Variants in HCRTR2 observed in about 807,000 individuals in gnomAD.
The protein encoded by HCRTR2 is orexin receptor type 2.
Under a neutral mutation model 49.0 loss-of-function variants are expected in HCRTR2, and 22 were observed. The ratio of observed to expected loss-of-function variants is 0.45; its 90% CI spans 0.32 to 0.64. HCRTR2 has a LOEUF of 0.64. HCRTR2 is among the 30% of genes least tolerant of loss of function. HCRTR2 has a pLI of 0.04. For synonymous variants in HCRTR2, 236 were observed against 205.3 expected (o/e 1.15, Z -1.28); for missense variants, 491 against 559.4 (o/e 0.88, Z 1.23).
intron 1 of HCRTR2, among the ~76,000 whole-genome samples, chr6:55,182,167 G>T (rs1398728489): frequency 1.3e-5 from 2 of 152,162 alleles, no homozygotes. Flanking sequence ...CACATTTTGT[G>T]CACTATCCCT....
intron 1 of HCRTR2, among the ~76,000 whole-genome samples, chr6:55,207,657 G>A (rs549920415): frequency 1.3e-5 from 2 of 152,234 alleles, no homozygotes; most frequent in South Asian, 4.1e-4. Context: ...CAGGCTGAAA[G>A]AATGATATAA....
chr6:55,161,184 C>G (rs1285146545), intron 1 of HCRTR2, among the ~76,000 whole-genome samples: 1 of 152,134 alleles, frequency 6.6e-6, no homozygotes, highest in Non-Finnish European at 1.5e-5. Context: ...GAAACTCACT[C>G]AAAACCGCAC....
intron 2 of HCRTR2, among the ~76,000 whole-genome samples, chr6:55,251,691 ATT>A: frequency 6.6e-6 from 1 of 151,968 alleles, no homozygotes; most frequent in African/African-American, 2.4e-5. Flanking sequence ...ATTTGGCAAA[ATT>A]TTCATTTCTC....
chr6:55,163,610 T>C (rs1174166816), intron 1 of HCRTR2, among the ~76,000 whole-genome samples: 4 of 152,132 alleles, frequency 2.6e-5, no homozygotes, highest in Non-Finnish European at 4.4e-5. Context: ...CCTTACACCT[T>C]ATACAAAAAT....
chr6:55,218,981 AC>A (rs1765840477), intron 1 of HCRTR2, among the ~76,000 whole-genome samples: 2 of 151,942 alleles, frequency 1.3e-5, no homozygotes, highest in African/African-American at 2.4e-5. Context: ...GCAACACCAT[AC>A]CCAGCTAATT....
chr6:55,149,429 G>C (rs1346239935), intron 1 of HCRTR2, among the ~76,000 whole-genome samples: 4 of 152,060 alleles, frequency 2.6e-5, no homozygotes, highest in Non-Finnish European at 5.9e-5. Flanking sequence ...TGGGTAAAAA[G>C]TGAGGTGAGC....
At chr6:55,238,299 G>A (rs924838111) in intron 1 of HCRTR2, among the ~76,000 whole-genome samples, 38 of 151,890 alleles carry the variant, frequency 2.5e-4, no homozygotes, top group Admixed American at 9.2e-4. Flanking sequence ...TTTCAACCTC[G>A]TTATTATTTT....
In HCRTR2 at chr6:55,192,411, G is replaced by GTGCA. The variant is rs1554171104; in HGVS notation, c.223+17601_223+17602insTGCA. 5.6e-3 allele frequency among the ~76,000 whole-genome samples: 251 copies of GTGCA among 44,692 alleles called. 1 individual carries two copies. The highest frequency in any genetic ancestry group is 0.022 in the African/African-American group (245 of 11,288). 29.3% of individuals were successfully genotyped at this position (44,692 alleles called of 152,430 possible). A position where few individuals can be genotyped will look rare whatever the true frequency, so the allele number is the denominator to read the frequency against. ...TCTAAACACACACACACGCGCGCGC[G>GTGCA]CGCACACACACACACACACACACAC... is the stretch of plus-strand genomic sequence containing the variant. On this transcript the variant is annotated intron_variant, in intron 1 of 6. Transcript: ENST00000370862.
intron 6 of HCRTR2, among the ~76,000 whole-genome samples, chr6:55,281,514 G>A (rs141099462): frequency 1.5e-3 from 225 of 152,268 alleles, no homozygotes; most frequent in Non-Finnish European, 1.5e-3. Context: ...TGCTGGGCCC[G>A]TGAACATTCA....
At chr6:55,233,630 G>C (rs2127300947) in intron 1 of HCRTR2, among the ~76,000 whole-genome samples, 1 of 152,226 alleles carries the variant, frequency 6.6e-6, no homozygotes, top group African/African-American at 2.4e-5. Context: ...ACAGAGAAGA[G>C]GTTACAATGA....
intron 1 of HCRTR2, among the ~76,000 whole-genome samples, chr6:55,150,477 C>T (rs1401516013): frequency 1.3e-5 from 2 of 151,906 alleles, no homozygotes; most frequent in Non-Finnish European, 2.9e-5. Context: ...ACTTTCTACC[C>T]TTTGGTTACA....
intron 1 of HCRTR2, among the ~76,000 whole-genome samples, chr6:55,245,797 CTGT>C (rs1766432442): frequency 6.6e-6 from 1 of 151,758 alleles, no homozygotes; most frequent in Admixed American, 6.6e-5. Flanking sequence ...GTGGGCATAG[CTGT>C]TGTTGTTAAA....
At chr6:55,275,657 G>T (rs1021022450) in intron 4 of HCRTR2, among the ~76,000 whole-genome samples, 12 of 147,442 alleles carry the variant, frequency 8.1e-5, no homozygotes, top group Admixed American at 2.1e-4. Flanking sequence ...GCCCAGGCTG[G>T]AGTGTAATTG....
chr6:55,136,542 G>T (rs6920541), intron 1 of HCRTR2, among the ~76,000 whole-genome samples: 51 of 152,036 alleles, frequency 3.4e-4, no homozygotes, highest in African/African-American at 1.2e-3. Context: ...ATAACTCTGC[G>T]TACACTGTGT....
At chr6:55,166,005 G>C (rs945786980) in intron 1 of HCRTR2, among the ~76,000 whole-genome samples, 1 of 151,736 alleles carries the variant, frequency 6.6e-6, no homozygotes, top group Non-Finnish European at 1.5e-5. Context: ...TTCCCTCTAT[G>C]CCTAATTTGT....
At chr6:55,159,910 T>A (rs1764782720) in intron 1 of HCRTR2, among the ~76,000 whole-genome samples, 1 of 152,150 alleles carries the variant, frequency 6.6e-6, no homozygotes, top group South Asian at 2.1e-4. Context: ...TTGGAAAACA[T>A]TCTTCAGGAT....
intron 1 of HCRTR2, among the ~76,000 whole-genome samples, chr6:55,150,008 C>T (rs1002184773): frequency 4.0e-5 from 6 of 151,854 alleles, no homozygotes; most frequent in Non-Finnish European, 1.5e-5. Flanking sequence ...TTTACAGAAG[C>T]ACTAAGGAAC....
At chr6:55,183,927 T>A (rs1218201686) in intron 1 of HCRTR2, among the ~76,000 whole-genome samples, 2 of 152,084 alleles carry the variant, frequency 1.3e-5, no homozygotes, top group Non-Finnish European at 2.9e-5. Context: ...TTTCTCTTTT[T>A]CTTTTTACTT....
intron 1 of HCRTR2, among the ~76,000 whole-genome samples, chr6:55,206,417 A>G (rs1257099865): frequency 6.6e-6 from 1 of 152,080 alleles, no homozygotes; most frequent in African/African-American, 2.4e-5. Context: ...GAAGTATTAC[A>G]CCTATTTATA....
Sources: gnomAD v4.1 joint callset for allele counts (sites outside exome capture counted in the v4.1 genomes callset) on GRCh38, gnomAD v4.1.1 for gene constraint, MANE v1.5 for transcripts, NCBI Gene and HGNC (gene_info 2026-07-23, HGNC 2026-07-21) for gene names.